Variants in GTF2E1 observed in about 807,000 individuals in gnomAD.
GTF2E1 encodes TFIIE alpha subunit.
Under a neutral mutation model 34.9 loss-of-function variants are expected in GTF2E1, and 14 were observed. The ratio of observed to expected loss-of-function variants is 0.40; its 90% CI spans 0.27 to 0.63. GTF2E1 has a LOEUF of 0.63. Ranked by LOEUF, GTF2E1 falls within the 20% of genes least tolerant of loss-of-function variation. The pLI is 0.39. For synonymous variants in GTF2E1, 188 were observed against 192.9 expected, an observed-to-expected ratio of 0.97 and a Z score of 0.21; for missense variants, 469 against 557.7, an observed-to-expected ratio of 0.84 and a Z score of 1.60.
Position 120,783,056 on chromosome 3 carries a change from C to T in GTF2E1, c.*1586C>T, listed in dbSNP as rs1400311530. 1 of 152,024 alleles carries T rather than the reference C, an allele frequency of 6.6e-6. No homozygotes were observed. Among genetic ancestry groups the T allele is most frequent in the East Asian group, 1.9e-4 (1 of 5,182 alleles). The allele number at this position is 152,024 out of a possible 1,614,324, so 9.4% of individuals were successfully genotyped here. A position where few individuals can be genotyped will look rare whatever the true frequency, so the allele number is the denominator to read the frequency against. On this transcript the variant is annotated 3_prime_UTR_variant, in exon 5 of 5. Transcript: ENST00000283875. ...TAATGACTGAATGTTGACAATAAAT[C>T]TGTTTTATACTGACTGAAGTTTGTT...
chr3:120,758,133 G>A (rs1340872939), intron 2 of GTF2E1, among the ~76,000 whole-genome samples: 1 of 152,164 alleles, frequency 6.6e-6, no homozygotes, highest in Non-Finnish European at 1.5e-5. Context: ...GCCAGCCTGG[G>A]CAACAGAGCG....
At chr3:120,778,229 T>C (rs1709417345) in intron 4 of GTF2E1, among the ~76,000 whole-genome samples, 1 of 152,244 alleles carries the variant, frequency 6.6e-6, no homozygotes. Flanking sequence ...CATTCTAGTT[T>C]ACAGTTCCTA....
intron 3 of GTF2E1, among the ~76,000 whole-genome samples, chr3:120,773,236 TC>T (rs1284473077): frequency 6.6e-6 from 1 of 152,110 alleles, no homozygotes; most frequent in Non-Finnish European, 1.5e-5. Flanking sequence ...GGATATAACA[TC>T]CTGGAGGTGG....
intron 1 of GTF2E1, among the ~76,000 whole-genome samples, chr3:120,743,675 T>C (rs1709078245): frequency 6.6e-6 from 1 of 152,120 alleles, no homozygotes; most frequent in South Asian, 2.1e-4. Flanking sequence ...AAATATCATT[T>C]GAGACTTGAA....
rs536965743 is a variant in GTF2E1, at chr3:120,750,936, A to G, written c.384A>G (p.Lys128=). The change falls in exon 2 of 5, where the codon AAA becomes AAG. Residue 128 remains lysine (K), a synonymous_variant. Coordinates refer to ENST00000283875, the MANE Select transcript of GTF2E1 (RefSeq NM_005513.3). ...ATTCGACCAACCGGGCTTCCTTCAAATGTCCTGTCTGTAGTAGTACTTTCA... is the reference window on the plus strand; with the variant it reads ...ATTCGACCAACCGGGCTTCCTTCAAGTGTCCTGTCTGTAGTAGTACTTTCA... ...ERDSTNRASF[K]CPVCSSTFTD... is the part of the protein sequence containing the mutation. 5 of 1,613,968 alleles carry G rather than the reference A, an allele frequency of 3.1e-6. No individual in the cohort carries two copies. Among genetic ancestry groups the G allele is most frequent in the East Asian group, 2.2e-5 (1 of 44,880 alleles).
rs185673653 is a variant in GTF2E1, at chr3:120,761,898, C to A, written c.449-8830C>A. 5.6e-3 allele frequency among the ~76,000 whole-genome samples: 839 copies of A among 149,660 alleles called. 11 individuals are homozygous for A. The highest frequency in any genetic ancestry group is 0.02 in the African/African-American group (807 of 40,552). ...CTCTGCCTCCCGGGTTCATGCCATT[C>A]TCCTGCCTCAGCCTCCCAAGAAGCT... On this transcript the variant is annotated intron_variant, in intron 2 of 4. Coordinates refer to ENST00000283875, the MANE Select transcript of GTF2E1 (RefSeq NM_005513.3).
chr3:120,753,423 G>T (rs1305854633), intron 2 of GTF2E1, among the ~76,000 whole-genome samples: 1 of 152,124 alleles, frequency 6.6e-6, no homozygotes, highest in African/African-American at 2.4e-5. Context: ...AGAGGAGATT[G>T]ATAATATTTC....
At chr3:120,754,552 A>G (rs943427471) in intron 2 of GTF2E1, among the ~76,000 whole-genome samples, 3 of 152,102 alleles carry the variant, frequency 2.0e-5, no homozygotes, top group Non-Finnish European at 4.4e-5. Flanking sequence ...CTTTGTATAT[A>G]TAGCACATTA....
intron 1 of GTF2E1, among the ~76,000 whole-genome samples, chr3:120,744,416 G>T (rs1162649059): frequency 6.6e-6 from 1 of 152,162 alleles, no homozygotes; most frequent in African/African-American, 2.4e-5. Context: ...CTGAGCTCTA[G>T]TTTCATTTGT....
chr3:120,770,878 C>T lies in GTF2E1; in HGVS notation c.599C>T (p.Ala200Val), dbSNP rs760649397. 3 of 1,613,498 alleles carry T rather than the reference C, an allele frequency of 1.9e-6. No homozygotes were observed. The highest frequency in any genetic ancestry group is 1.1e-5 in the South Asian group (1 of 91,076). ...LLRETEDVNLAYEILEPEPTE... is the reference protein window; with the variant it reads ...LLRETEDVNLVYEILEPEPTE... ...CGGGAGACAGAGGATGTGAACTTGGCCTATGAAATACTTGAGCCAGAACCC... is the reference window on the plus strand; with the variant it reads ...CGGGAGACAGAGGATGTGAACTTGGTCTATGAAATACTTGAGCCAGAACCC... The change falls in exon 3 of 5, where the codon GCC becomes GTC. Residue 200 changes from alanine to valine, a missense_variant. By Grantham distance (64) the Ala-to-Val change is moderately conservative. Coordinates refer to ENST00000283875, the MANE Select transcript of GTF2E1 (RefSeq NM_005513.3).
At chr3:120,773,808 A>C (rs1013886100) in intron 3 of GTF2E1, among the ~76,000 whole-genome samples, 1 of 152,186 alleles carries the variant, frequency 6.6e-6, no homozygotes, top group Admixed American at 6.5e-5. Context: ...AAATTTTAAA[A>C]TTTGTTTGAC....
chr3:120,777,541 C>T (rs757572805), intron 4 of GTF2E1, among the ~76,000 whole-genome samples: 25 of 152,158 alleles, frequency 1.6e-4, no homozygotes, highest in Non-Finnish European at 8.8e-5. Context: ...CTCCTAGCCT[C>T]TTTTCCCTTC....
chr3:120,776,455 C>T lies in GTF2E1; in HGVS notation c.683C>T (p.Ala228Val), dbSNP rs146371540. 1.9e-6 allele frequency: 3 copies of T among 1,613,370 alleles called. No individual in the cohort carries two copies. The African/African-American group carries it at 4.0e-5, about 22-fold the overall frequency. ...CATGCAGCAACTACTGCTGGAGCTGCTAGCCTAGCAGGTGGGCACCACCGG... is the reference window on the plus strand; with the variant it reads ...CATGCAGCAACTACTGCTGGAGCTGTTAGCCTAGCAGGTGGGCACCACCGG... ...KDHAATTAGA[A>V]SLAGGHHREA... The change falls in exon 4 of 5, where the codon GCT becomes GTT. Residue 228 changes from alanine (A) to valine (V), a missense_variant. Transcript: ENST00000283875.
At chr3:120,751,102 A>G (rs1013295044) in intron 2 of GTF2E1, 102 bp downstream of exon 2, 1 of 709,004 alleles carries the variant, frequency 1.4e-6, no homozygotes, top group Non-Finnish European at 2.3e-6. Flanking sequence ...TATTATTATA[A>G]AAGTGAATGG....
intron 2 of GTF2E1, among the ~76,000 whole-genome samples, chr3:120,760,613 T>G (rs1224106170): frequency 1.3e-5 from 2 of 152,216 alleles, no homozygotes; most frequent in Admixed American, 6.5e-5. Context: ...ATACCTAGTT[T>G]ATTGAGAGTT....
At chr3:120,748,342 T>C (rs1410350173) in intron 1 of GTF2E1, among the ~76,000 whole-genome samples, 1 of 152,132 alleles carries the variant, frequency 6.6e-6, no homozygotes, top group African/African-American at 2.4e-5. Context: ...ATGTCCTGAA[T>C]GGTAATGCCT....
At chr3:120,772,191 A>G (rs1185725284) in intron 3 of GTF2E1, among the ~76,000 whole-genome samples, 1 of 152,102 alleles carries the variant, frequency 6.6e-6, no homozygotes, top group African/African-American at 2.4e-5. Flanking sequence ...AAGGTTTCCC[A>G]GAGGGCTCCC....
At chr3:120,752,633 A>G (rs775039083) in intron 2 of GTF2E1, among the ~76,000 whole-genome samples, 5 of 152,226 alleles carry the variant, frequency 3.3e-5, no homozygotes, top group Non-Finnish European at 7.3e-5. Context: ...GAATGAAACT[A>G]GTTGACTCAA....
At chr3:120,777,521 T>C (rs988195037) in intron 4 of GTF2E1, among the ~76,000 whole-genome samples, 2 of 152,208 alleles carry the variant, frequency 1.3e-5, no homozygotes, top group African/African-American at 4.8e-5. Flanking sequence ...CCACTTGTTT[T>C]TTGGCGTTTC....
Sources: gnomAD v4.1 joint callset for allele counts (sites outside exome capture counted in the v4.1 genomes callset) on GRCh38, gnomAD v4.1.1 for gene constraint, MANE v1.5 for transcripts, NCBI Gene and HGNC (gene_info 2026-07-23, HGNC 2026-07-21) for gene names.